The following WWP2 variants were observed in gnomAD, a reference collection of about 807,000 sequenced individuals.
WWP2 encodes the protein WW domain containing E3 ubiquitin protein ligase 2.
In WWP2, 57 loss-of-function variants were observed where a neutral mutation model predicts 121.0. The observed-to-expected ratio is 0.47, with a 90% CI of 0.38 to 0.59. The LOEUF is 0.59. Ranked by LOEUF, WWP2 falls within the 20% of genes least tolerant of loss-of-function variation. The probability of loss-of-function intolerance (pLI) is 0.00; values close to 1 mark genes in which losing one functional copy is unlikely to be tolerated. For missense variants in WWP2, 962 were observed against 1,158.9 expected, an observed-to-expected ratio of 0.83 and a Z score of 2.47; for synonymous variants, 449 against 441.3, an observed-to-expected ratio of 1.02 and a Z score of -0.22.
At chr16:69,907,962 C>T (rs1020878786) in intron 8 of WWP2, among the ~76,000 whole-genome samples, 13 of 152,248 alleles carry the variant, frequency 8.5e-5, no homozygotes, top group Middle Eastern at 3.4e-3. Context: ...GACTTTAAGC[C>T]GGGTGCGGTG....
At chr16:69,936,229 G>C (rs1193307794) in intron 18 of WWP2, 83 bp from the exon 19 acceptor site, 1 of 1,584,892 alleles carries the variant, frequency 6.3e-7, no homozygotes, top group Non-Finnish European at 8.6e-7. Context: ...GTGGGCCCTT[G>C]GTGTCCCACG....
At chr16:69,846,051 A>AAAAAAC in intron 6 of WWP2, among the ~76,000 whole-genome samples, 1 of 143,690 alleles carries the variant, frequency 7.0e-6, no homozygotes. Flanking sequence ...CTCCATCTCA[A>AAAAAAC]AAAAAAAAAA....
intron 1 of WWP2, among the ~76,000 whole-genome samples, chr16:69,762,715 G>T (rs2038641582): frequency 6.6e-6 from 1 of 152,220 alleles, no homozygotes; most frequent in Non-Finnish European, 1.5e-5. Context: ...AGCGATCTTT[G>T]TGGAGGGATC....
chr16:69,941,615 A>G lies in WWP2; in HGVS notation c.*1675A>G, dbSNP rs2058882000. On this transcript the variant is annotated 3_prime_UTR_variant, in exon 24 of 24. Coordinates refer to ENST00000359154, the MANE Select transcript of WWP2 (RefSeq NM_001270454.2). ...TTCGTGCGTGTGTGTGCGTACGTGT[A>G]TATAACTGAAGTGTCTGTACGGAAT... 6.5e-6 allele frequency: 1 copy of G among 153,782 alleles called. No individual in the cohort carries two copies. The highest frequency in any genetic ancestry group is 2.4e-5 in the African/African-American group (1 of 41,442). The allele number at this position is 153,782 out of a possible 1,614,324, so 9.5% of individuals were successfully genotyped here. A position where few individuals can be genotyped will look rare whatever the true frequency, so the allele number is the denominator to read the frequency against.
intron 1 of WWP2, among the ~76,000 whole-genome samples, chr16:69,774,225 C>T (rs1382338051): frequency 6.6e-6 from 1 of 152,084 alleles, no homozygotes; most frequent in Admixed American, 6.6e-5. Flanking sequence ...GGCCTCTTTC[C>T]TTCCTTGTAT....
At chr16:69,786,801 G>A (rs1481307113) in intron 1 of WWP2, among the ~76,000 whole-genome samples, 195 bp from the exon 2 acceptor site, 1 of 152,118 alleles carries the variant, frequency 6.6e-6, no homozygotes, top group East Asian at 1.9e-4. Flanking sequence ...TAACAGTCCT[G>A]TGTCCTTTCT....
At chr16:69,841,706 C>CT (rs2056981317) in intron 5 of WWP2, among the ~76,000 whole-genome samples, 1 of 152,142 alleles carries the variant, frequency 6.6e-6, no homozygotes, top group Admixed American at 6.5e-5. Flanking sequence ...GTTTTGTTCT[C>CT]TATCTCACGT....
intron 6 of WWP2, among the ~76,000 whole-genome samples, chr16:69,858,204 T>C (rs1173994887): frequency 6.6e-6 from 1 of 151,800 alleles, no homozygotes; most frequent in Non-Finnish European, 1.5e-5. Flanking sequence ...TTCCGAGGAG[T>C]TATTTCTTCC....
rs1226621549 is a variant in WWP2, at chr16:69,769,461, A to G, written c.-16+7070A>G. 2.6e-5 allele frequency among the ~76,000 whole-genome samples: 4 copies of G among 152,288 alleles called. No individual in the cohort carries two copies. The South Asian group carries it at 6.2e-4, about 24-fold the overall frequency. On this transcript the variant is annotated intron_variant, in intron 1 of 23. Transcript: ENST00000359154. ...ATATTGAAAAAAATTTTTTAAAACA[A>G]GAAATAAAATATTGATACTGGTGTG...
At chr16:69,909,027 A>G (rs2058342465) in intron 9 of WWP2, 177 bp downstream of exon 9, 4 of 1,380,192 alleles carry the variant, frequency 2.9e-6, no homozygotes, top group Non-Finnish European at 3.7e-6. Context: ...CTTAGGACAT[A>G]TTAGAATTAT....
In WWP2 at chr16:69,799,522, T is replaced by C; in HGVS notation, c.340+227T>C. The C allele has an allele frequency of 2.1e-6, 1 of 470,626 alleles. No individual in the cohort carries two copies. Among genetic ancestry groups the C allele is most frequent in the Non-Finnish European group, 3.6e-6 (1 of 274,890 alleles). 29.2% of individuals were successfully genotyped at this position (470,626 alleles called of 1,614,324 possible). A position where few individuals can be genotyped will look rare whatever the true frequency, so the allele number is the denominator to read the frequency against. On this transcript the variant is annotated intron_variant, in intron 4 of 23. Coordinates refer to ENST00000359154, the MANE Select transcript of WWP2 (RefSeq NM_001270454.2). This position sits in a 1 kb window ranked among gnomAD's most constrained non-coding sequence, Gnocchi z 4.5. ...TCTAGTAATGTGATGCAGTGGTGTG[T>C]TGCCCTTTATCCTTCCTTAGGGACT...
intron 8 of WWP2, among the ~76,000 whole-genome samples, chr16:69,892,709 A>G (rs1197634302): frequency 2.0e-5 from 3 of 151,802 alleles, no homozygotes; most frequent in Non-Finnish European, 4.4e-5. Context: ...AATTTTGTTT[A>G]TTTTCACAGA....
chr16:69,852,101 T>C (rs949622576), intron 6 of WWP2, among the ~76,000 whole-genome samples: 1 of 152,198 alleles, frequency 6.6e-6, no homozygotes, highest in Non-Finnish European at 1.5e-5. Context: ...ACTGCTAAAC[T>C]GTTTTCCAAA....
intron 4 of WWP2, among the ~76,000 whole-genome samples, chr16:69,822,992 C>G (rs1473937556): frequency 6.6e-6 from 1 of 152,056 alleles, no homozygotes; most frequent in Non-Finnish European, 1.5e-5. Context: ...CAAAAATTAG[C>G]CAGGCATGGT....
chr16:69,812,847 T>G (rs945773126), intron 4 of WWP2, among the ~76,000 whole-genome samples: 1 of 152,152 alleles, frequency 6.6e-6, no homozygotes, highest in African/African-American at 2.4e-5. Flanking sequence ...GTGTCAGGTT[T>G]TTCCACTGCA....
intron 1 of WWP2, among the ~76,000 whole-genome samples, chr16:69,768,651 A>T (rs1409053850): frequency 1.3e-5 from 2 of 152,124 alleles, no homozygotes; most frequent in African/African-American, 2.4e-5. Context: ...GTACCAAGAC[A>T]TGGCAGTCCT....
At chr16:69,877,423 G>A (rs546217310) in intron 7 of WWP2, among the ~76,000 whole-genome samples, 1 of 152,288 alleles carries the variant, frequency 6.6e-6, no homozygotes, top group South Asian at 2.1e-4. Flanking sequence ...AGAATGTCGA[G>A]GCTGGTTTGA....
chr16:69,823,467 T>C (rs932221486), intron 4 of WWP2, among the ~76,000 whole-genome samples: 1 of 151,870 alleles, frequency 6.6e-6, no homozygotes, highest in Admixed American at 6.6e-5. Flanking sequence ...ATTTTCTCTT[T>C]TTCTTGTGTT....
At chr16:69,773,184 CCTT>C (rs2055455121) in intron 1 of WWP2, among the ~76,000 whole-genome samples, 2 of 151,536 alleles carry the variant, frequency 1.3e-5, no homozygotes, top group Non-Finnish European at 2.9e-5. Flanking sequence ...ACACGTTGCT[CCTT>C]TTTTTTTTTT....
Sources: allele counts gnomAD v4.1 joint callset (sites outside exome capture counted in the v4.1 genomes callset), GRCh38; gene constraint gnomAD v4.1.1; non-coding constraint Gnocchi (gnomAD v3.1); transcripts MANE v1.5; gene names NCBI Gene and HGNC (gene_info 2026-07-23, HGNC 2026-07-21).